The following DLGAP1 variants were observed in gnomAD, a reference collection of about 807,000 sequenced individuals.
The protein encoded by DLGAP1 is disks large-associated protein 1.
Under a neutral mutation model 90.8 loss-of-function variants are expected in DLGAP1, and 11 were observed. The ratio of observed to expected loss-of-function variants is 0.12; its 90% CI spans 0.08 to 0.20. DLGAP1 has a LOEUF of 0.20. Ranked by LOEUF, DLGAP1 falls within the 10% of genes least tolerant of loss-of-function variation. The pLI, the probability that DLGAP1 is intolerant of heterozygous loss-of-function variation, is 1.00. For synonymous variants in DLGAP1, 558 were observed against 540.7 expected (o/e 1.03, Z -0.44); for missense variants, 1,050 against 1,333.8 (o/e 0.79, Z 3.31).
chr18:4,328,743 T>G (rs866491479), intron 1 of DLGAP1, among the ~76,000 whole-genome samples: 1 of 151,954 alleles, frequency 6.6e-6, no homozygotes, highest in Non-Finnish European at 1.5e-5. Context: ...CCCCAGTGAG[T>G]GTGAAGTAGT....
chr18:3,633,958 T>C (rs1269916579), intron 7 of DLGAP1, among the ~76,000 whole-genome samples: 1 of 152,208 alleles, frequency 6.6e-6, no homozygotes, highest in Non-Finnish European at 1.5e-5. Context: ...TTTACCAATA[T>C]AGATAGATGC....
intron 1 of DLGAP1, among the ~76,000 whole-genome samples, chr18:4,215,736 G>A (rs2077940480): frequency 6.6e-6 from 1 of 152,026 alleles, no homozygotes; most frequent in South Asian, 2.1e-4. Context: ...CTCAAGTAAT[G>A]GCTTGGTGTG....
chr18:3,977,944 G>A (rs548031603), intron 3 of DLGAP1: 1 of 354,104 alleles, frequency 2.8e-6, no homozygotes, highest in East Asian at 8.5e-5. Context: ...GGAAGGCCAT[G>A]CCAGTAAGCT....
In DLGAP1 at chr18:3,594,370, CAA is replaced by C. The variant is rs1238386452; in HGVS notation, c.1592-12124_1592-12123del. ...CCTCCCTCCCTCCCTCCCTCCCAACCAAAAGTCTGTAAAAAACAAAACATTGA... is the reference window on the plus strand; with the variant it reads ...CCTCCCTCCCTCCCTCCCTCCCAACCAAGTCTGTAAAAAACAAAACATTGA... On this transcript the variant is annotated intron_variant, in intron 7 of 12. Transcript: ENST00000315677. 4.8e-5 allele frequency: 7 copies of C among 146,664 alleles called. No homozygotes were observed. In the East Asian group the frequency reaches 8.1e-4, roughly 17 times the overall value. 9.1% of individuals were successfully genotyped at this position (146,664 alleles called of 1,614,324 possible).
chr18:4,294,198 C>T (rs2079919428), intron 1 of DLGAP1: 1 of 152,220 alleles, frequency 6.6e-6, no homozygotes, highest in South Asian at 2.1e-4. Context: ...ACACTATTTT[C>T]TAGTCAGGCC....
intron 3 of DLGAP1, among the ~76,000 whole-genome samples, chr18:3,900,303 G>A (rs1412993181): frequency 6.6e-6 from 1 of 152,186 alleles, no homozygotes; most frequent in Non-Finnish European, 1.5e-5. Flanking sequence ...CCCTGATACC[G>A]ACATTGTTGT....
intron 5 of DLGAP1, among the ~76,000 whole-genome samples, chr18:3,784,196 C>T (rs2065336776): frequency 1.3e-5 from 2 of 152,148 alleles, no homozygotes; most frequent in South Asian, 4.1e-4. Flanking sequence ...GGAGAAGTGT[C>T]AGCCCCCAAG....
intron 1 of DLGAP1, among the ~76,000 whole-genome samples, chr18:4,163,816 C>T (rs753656037): frequency 6.6e-6 from 1 of 152,172 alleles, no homozygotes; most frequent in Non-Finnish European, 1.5e-5. Flanking sequence ...CCCTTTTCTG[C>T]ACCTCTCTTT....
At chr18:3,777,904 C>T (rs1403124838) in intron 5 of DLGAP1, among the ~76,000 whole-genome samples, 1 of 152,074 alleles carries the variant, frequency 6.6e-6, no homozygotes, top group Non-Finnish European at 1.5e-5. Context: ...GTAGGTGGTC[C>T]TTTTCTGAGC....
intron 1 of DLGAP1, among the ~76,000 whole-genome samples, chr18:4,268,696 A>G (rs2079186535): frequency 6.6e-6 from 1 of 152,212 alleles, no homozygotes; most frequent in Non-Finnish European, 1.5e-5. Flanking sequence ...TATAGAAACT[A>G]TTATTTTGGG....
chr18:4,371,244 T>C (rs556138771), intron 1 of DLGAP1, among the ~76,000 whole-genome samples: 1 of 152,292 alleles, frequency 6.6e-6, no homozygotes, highest in African/African-American at 2.4e-5. Context: ...AATAAATAAA[T>C]ACATGATTAC....
intron 1 of DLGAP1, among the ~76,000 whole-genome samples, chr18:4,311,077 C>T (rs1400420677): frequency 6.6e-6 from 1 of 152,080 alleles, no homozygotes; most frequent in East Asian, 1.9e-4. Context: ...AAAGAGAAAA[C>T]AACTAAAAAA....
chr18:4,287,933 A>C (rs2079742676), intron 1 of DLGAP1, among the ~76,000 whole-genome samples: 1 of 152,170 alleles, frequency 6.6e-6, no homozygotes, highest in African/African-American at 2.4e-5. Context: ...ACAAAGGCAG[A>C]GGAGACTGCC....
intron 3 of DLGAP1, among the ~76,000 whole-genome samples, chr18:3,883,975 AAGAG>A (rs996491499): frequency 6.6e-6 from 1 of 152,194 alleles, no homozygotes; most frequent in African/African-American, 2.4e-5. Flanking sequence ...ATCCGCCTGG[AAGAG>A]AGAGAGAAAC....
chr18:4,439,238 T>C (rs1188681555), intron 1 of DLGAP1, among the ~76,000 whole-genome samples: 1 of 152,212 alleles, frequency 6.6e-6, no homozygotes, highest in African/African-American at 2.4e-5. Context: ...GCCATTTCTA[T>C]TAGTGAGTTC....
intron 1 of DLGAP1, among the ~76,000 whole-genome samples, chr18:4,402,814 T>C (rs1286305879): frequency 6.6e-6 from 1 of 152,136 alleles, no homozygotes; most frequent in Non-Finnish European, 1.5e-5. Context: ...TCACCACATC[T>C]CTCACCAAAA....
intron 3 of DLGAP1, among the ~76,000 whole-genome samples, chr18:3,926,409 TATATATATATATAC>T (rs1383809840): frequency 5.6e-5 from 2 of 36,006 alleles, no homozygotes; most frequent in Non-Finnish European, 1.4e-4. Flanking sequence ...GACATATATA[TATATATATATATAC>T]ACACACACAC....
At chr18:4,406,596 C>CT (rs2082669713) in intron 1 of DLGAP1, among the ~76,000 whole-genome samples, 1 of 152,160 alleles carries the variant, frequency 6.6e-6, no homozygotes, top group Admixed American at 6.5e-5. Flanking sequence ...AGGCAAGTCT[C>CT]TTTTTGCCAG....
At chr18:4,234,843 C>T (rs1213140048) in intron 1 of DLGAP1, among the ~76,000 whole-genome samples, 2 of 151,920 alleles carry the variant, frequency 1.3e-5, no homozygotes, top group African/African-American at 4.8e-5. Flanking sequence ...TACTTATTCA[C>T]GAAAACAAAT....
Sources: allele counts gnomAD v4.1 joint callset (sites outside exome capture counted in the v4.1 genomes callset), GRCh38; gene constraint gnomAD v4.1.1; transcripts MANE v1.5; gene names NCBI Gene and HGNC (gene_info 2026-07-23, HGNC 2026-07-21).